LANCL2: variants seen among roughly 807,000 people sequenced by gnomAD.
LANCL2 encodes the protein lanC-like protein 2.
In LANCL2, 33 loss-of-function variants were observed where a neutral mutation model predicts 56.9. The observed-to-expected ratio is 0.58, with a 90% CI of 0.44 to 0.78. The LOEUF (loss-of-function observed/expected upper bound fraction) is 0.78. LANCL2 is among the 30% of genes least tolerant of loss of function. The pLI, the probability that LANCL2 is intolerant of heterozygous loss-of-function variation, is 0.00. For synonymous variants in LANCL2, 233 were observed against 228.2 expected (o/e 1.02, Z -0.19); for missense variants, 562 against 580.2 (o/e 0.97, Z 0.32).
chr7:55,399,531 C>T (rs1003359121), intron 3 of LANCL2, among the ~76,000 whole-genome samples: 17 of 152,180 alleles, frequency 1.1e-4, no homozygotes, highest in African/African-American at 3.4e-4. Context: ...TTAGTAGAGA[C>T]GGGGTTTCAC....
In LANCL2 at chr7:55,384,336, G is replaced by A. The variant is rs556301384; in HGVS notation, c.205-7457G>A. Among the ~76,000 whole-genome samples, 145 of 152,184 alleles carry A rather than the reference G, an allele frequency of 9.5e-4. 1 individual carries two copies. The highest frequency in any genetic ancestry group is 3.2e-3 in the African/African-American group (133 of 41,516). On this transcript the variant is annotated intron_variant, in intron 1 of 8. Coordinates refer to ENST00000254770, the MANE Select transcript of LANCL2 (RefSeq NM_018697.4). ...TGGGAGGCCGAGGCGGGTGGATCAC[G>A]AGGTCAGGAGATCGAGATCATCCTG...
intron 6 of LANCL2, among the ~76,000 whole-genome samples, chr7:55,418,723 GA>G (rs34335564): frequency 0.65 from 98,662 of 151,918 alleles, 32,403 homozygotes; most frequent in Admixed American, 0.72. Context: ...CACAATCATA[GA>G]AAAAAATATT....
At chr7:55,428,517 C>A in intron 8 of LANCL2, 70 bp downstream of exon 8, 2 of 1,228,770 alleles carry the variant, frequency 1.6e-6, no homozygotes, top group Non-Finnish European at 2.4e-6. Context: ...TGTGGACTGG[C>A]ACTGTTCATA....
chr7:55,397,692 T>C (rs1302240809), intron 2 of LANCL2, among the ~76,000 whole-genome samples: 3 of 149,618 alleles, frequency 2.0e-5, no homozygotes, highest in African/African-American at 4.9e-5. Flanking sequence ...AGCTGTCATA[T>C]TGTCTTCTCG....
intron 1 of LANCL2, among the ~76,000 whole-genome samples, chr7:55,391,280 A>C: frequency 6.6e-6 from 1 of 151,784 alleles, no homozygotes. Flanking sequence ...GGCCTCCCAA[A>C]GTGCTGGGAT....
intron 1 of LANCL2, among the ~76,000 whole-genome samples, chr7:55,390,413 C>A (rs150652408): frequency 0.051 from 7,722 of 152,200 alleles, 666 homozygotes; most frequent in African/African-American, 0.17. Context: ...CAAGACCAGC[C>A]TGGCCAACAT....
intron 5 of LANCL2, among the ~76,000 whole-genome samples, chr7:55,407,061 A>AG (rs1312928344): frequency 6.6e-6 from 1 of 152,184 alleles, no homozygotes; most frequent in African/African-American, 2.4e-5. Flanking sequence ...CTGGCACAGG[A>AG]GGCTTCTTTG....
intron 1 of LANCL2, among the ~76,000 whole-genome samples, chr7:55,375,312 TAGAA>T (rs1465459562): frequency 6.6e-6 from 1 of 152,254 alleles, no homozygotes; most frequent in Non-Finnish European, 1.5e-5. Context: ...ACAAGTATTT[TAGAA>T]AGAGAATGAT....
At chr7:55,416,418 T>A (rs1303129527) in intron 6 of LANCL2, among the ~76,000 whole-genome samples, 3 of 152,066 alleles carry the variant, frequency 2.0e-5, no homozygotes, top group Admixed American at 6.5e-5. Context: ...TCCAAGTAGC[T>A]GGGGACTACA....
Position 55,401,462 on chromosome 7 carries a change from G to A in LANCL2, c.825+142G>A, listed in dbSNP as rs946398596. 2.0e-5 allele frequency: 9 copies of A among 458,472 alleles called. No homozygotes were observed. In the Admixed American group the frequency reaches 2.9e-4, roughly 15 times the overall value. 28.4% of individuals were successfully genotyped at this position (458,472 alleles called of 1,614,324 possible). ...GCGTAACTCTGCCACATAAACCACA[G>A]GCAGTGGATTTCTAAGAGTCCAGTG... is the stretch of plus-strand genomic sequence containing the variant. On this transcript the variant is annotated intron_variant, in intron 5 of 8. Transcript: ENST00000254770.
At chr7:55,368,974 G>A (rs1025107874) in intron 1 of LANCL2, among the ~76,000 whole-genome samples, 1 of 152,286 alleles carries the variant, frequency 6.6e-6, no homozygotes, top group Admixed American at 6.5e-5. Flanking sequence ...GTGAGACCCT[G>A]TCTCTTTTTT....
chr7:55,399,421 G>A (rs1419554838), intron 3 of LANCL2, among the ~76,000 whole-genome samples: 1 of 148,052 alleles, frequency 6.8e-6, no homozygotes, highest in Non-Finnish European at 1.5e-5. Flanking sequence ...TCAGCTCACT[G>A]CAACGTCCGC....
chr7:55,411,652 A>G (rs779273332), intron 5 of LANCL2, among the ~76,000 whole-genome samples: 43 of 152,240 alleles, frequency 2.8e-4, no homozygotes, highest in Non-Finnish European at 4.1e-4. Flanking sequence ...TTGCCATTTA[A>G]TCATTTCCTT....
intron 5 of LANCL2, among the ~76,000 whole-genome samples, chr7:55,406,799 G>A (rs147504942): frequency 4.0e-4 from 61 of 152,296 alleles, no homozygotes; most frequent in African/African-American, 1.3e-3. Flanking sequence ...AGAACAACCA[G>A]AAAAACAACA....
chr7:55,384,437 A>C (rs1790102877), intron 1 of LANCL2, among the ~76,000 whole-genome samples: 1 of 152,188 alleles, frequency 6.6e-6, no homozygotes, highest in Admixed American at 6.5e-5. Context: ...CTGTAGTCCC[A>C]GCTACTTGGG....
At chr7:55,418,797 G>T (rs1341845164) in intron 6 of LANCL2, among the ~76,000 whole-genome samples, 1 of 152,064 alleles carries the variant, frequency 6.6e-6, no homozygotes, top group African/African-American at 2.4e-5. Flanking sequence ...TCAGATTGAA[G>T]AAGTTTCCTT....
At chr7:55,370,703 G>A (rs1413701842) in intron 1 of LANCL2, among the ~76,000 whole-genome samples, 1 of 152,320 alleles carries the variant, frequency 6.6e-6, no homozygotes, top group South Asian at 2.1e-4. Flanking sequence ...GAAAGATTAA[G>A]TGGGGGTTTT....
Position 55,412,071 on chromosome 7 carries a change from G to A in LANCL2, c.990G>A (p.Met330Ile). 1.2e-6 allele frequency: 2 copies of A among 1,614,044 alleles called. No homozygotes were observed. The highest frequency in any genetic ancestry group is 1.7e-6 in the Non-Finnish European group (2 of 1,179,918). Residue 330 changes from methionine to isoleucine, a missense_variant, in exon 6 of 9, where the codon ATG becomes ATA. Physicochemically the swap from Met to Ile is conservative, Grantham distance 10. This residue lies in a region of LANCL2 where 378 missense variants were observed against 468.4 expected (regional missense o/e 0.81). Coordinates refer to ENST00000254770, the MANE Select transcript of LANCL2 (RefSeq NM_018697.4). ...WCHGAPGVIHMLMQAYKVFKE... is the reference protein window; with the variant it reads ...WCHGAPGVIHILMQAYKVFKE... The stretch of plus-strand genomic sequence containing the variant: ...ACGGCGCCCCGGGGGTCATCCACAT[G>A]CTCATGCAGGCGTACAAGGTCAGTG...
chr7:55,413,294 G>A (rs1182131411), intron 6 of LANCL2, among the ~76,000 whole-genome samples: 2 of 152,214 alleles, frequency 1.3e-5, no homozygotes, highest in South Asian at 2.1e-4. Context: ...CAACAATAAC[G>A]TGTGAGCACA....
Sources: allele counts gnomAD v4.1 joint callset (sites outside exome capture counted in the v4.1 genomes callset), GRCh38; gene constraint gnomAD v4.1.1; regional missense constraint gnomAD v4.1.1; transcripts MANE v1.5; gene names NCBI Gene and HGNC (gene_info 2026-07-23, HGNC 2026-07-21).